Variants in OTOG observed in about 807,000 individuals in gnomAD.
The protein encoded by OTOG is otogelin.
OTOG carries 296 observed loss-of-function variants against 313.8 expected under a neutral mutation model. That is an observed-to-expected ratio of 0.94 (90% CI 0.86 to 1.04). The LOEUF (loss-of-function observed/expected upper bound fraction) is 1.04. Ranked by LOEUF, OTOG falls within the 50% of genes least tolerant of loss-of-function variation. The probability of loss-of-function intolerance (pLI) is 0.00; values close to 1 mark genes in which losing one functional copy is unlikely to be tolerated. For missense variants in OTOG, 3,948 were observed against 3,840.1 expected, an observed-to-expected ratio of 1.03 and a Z score of -0.74; for synonymous variants, 1,533 against 1,554.9, an observed-to-expected ratio of 0.99 and a Z score of 0.33.
rs764282987 is a variant in OTOG at position 17,610,821 on chromosome 11, C to A, written c.5521C>A (p.Pro1841Thr). Residue 1841 changes from proline to threonine, a missense_variant, in exon 36 of 56, where the codon CCT becomes ACT. By Grantham distance (38) the Pro-to-Thr change is conservative. Coordinates refer to ENST00000399397, the MANE Select transcript of OTOG (RefSeq NM_001292063.2). ...TPLQPQATTL[P>T]AQTLSPVLPF... The stretch of plus-strand genomic sequence containing the variant: ...ACTCCAGCCACAGGCCACGACTCTG[C>A]CTGCTCAGACACTTAGCCCAGTACT... The A allele has an allele frequency of 1.9e-6, 3 of 1,550,890 alleles. No homozygotes were observed. The South Asian group carries it at 3.6e-5, about 18-fold the overall frequency.
intron 3 of OTOG, among the ~76,000 whole-genome samples, chr11:17,550,753 C>T (rs1202376759): frequency 2.0e-5 from 3 of 152,148 alleles, no homozygotes; most frequent in Non-Finnish European, 4.4e-5. Context: ...GATTAGTACC[C>T]GGGTGGGAAA....
At chr11:17,547,788 G>A in intron 1 of OTOG, 139 bp from the exon 2 acceptor site, 1 of 433,290 alleles carries the variant, frequency 2.3e-6, no homozygotes, top group Non-Finnish European at 4.0e-6. Context: ...GGAGAGAAAG[G>A]ATTTGAGAAG....
chr11:17,607,216 C>T lies in OTOG; in HGVS notation c.4157-1080C>T, dbSNP rs1590038076. 3.3e-5 allele frequency among the ~76,000 whole-genome samples: 5 copies of T among 152,350 alleles called. No individual in the cohort carries two copies. In the South Asian group the frequency reaches 1.0e-3, roughly 32 times the overall value. ...AATGTAAGTTAGACTTTTGGAAAAGCAGGTTTCTTTACAGCTGGCAGCAGT... is the reference window on the plus strand; with the variant it reads ...AATGTAAGTTAGACTTTTGGAAAAGTAGGTTTCTTTACAGCTGGCAGCAGT... On this transcript the variant is annotated intron_variant, in intron 33 of 55. Coordinates refer to ENST00000399397, the MANE Select transcript of OTOG (RefSeq NM_001292063.2).
chr11:17,570,118 G>A, intron 16 of OTOG, 95 bp from the exon 17 acceptor site: 1 of 1,161,802 alleles, frequency 8.6e-7, no homozygotes, highest in Non-Finnish European at 1.2e-6. Flanking sequence ...GACTGGGCCG[G>A]GCGTGGGAGT....
intron 39 of OTOG, among the ~76,000 whole-genome samples, chr11:17,619,144 G>A (rs1459060033): frequency 6.6e-6 from 1 of 152,136 alleles, no homozygotes; most frequent in East Asian, 1.9e-4. Flanking sequence ...GGTGGCACAT[G>A]CCTGTAGTTC....
chr11:17,632,250 C>T (rs754064551), intron 42 of OTOG, 24 bp downstream of exon 42: 58 of 1,542,220 alleles, frequency 3.8e-5, no homozygotes, highest in Non-Finnish European at 4.7e-5. Flanking sequence ...GCAGGGGGAC[C>T]CTCCATTGTG....
intron 54 of OTOG, among the ~76,000 whole-genome samples, chr11:17,645,322 G>C (rs575328034): frequency 6.6e-6 from 1 of 152,180 alleles, no homozygotes. Context: ...CCTCAAGGGG[G>C]CCCTGCTGGC....
At chr11:17,637,676 A>T (rs1301316702) in intron 47 of OTOG, among the ~76,000 whole-genome samples, 2 of 152,210 alleles carry the variant, frequency 1.3e-5, no homozygotes, top group Non-Finnish European at 2.9e-5. Context: ...GGCCCAGATT[A>T]GGGTGATGAC....
chr11:17,634,641 T>A (rs79203983), intron 44 of OTOG, among the ~76,000 whole-genome samples: 1 of 152,206 alleles, frequency 6.6e-6, no homozygotes, highest in East Asian at 1.9e-4. Flanking sequence ...TGTCAATGGA[T>A]GTTAGCTCTT....
intron 24 of OTOG, among the ~76,000 whole-genome samples, chr11:17,587,473 T>G (rs1160994912): frequency 6.6e-6 from 1 of 152,178 alleles, no homozygotes; most frequent in Non-Finnish European, 1.5e-5. Context: ...CCCCTGGCAC[T>G]GGAACTTCAG....
chr11:17,631,843 C>T lies in OTOG; in HGVS notation c.6854C>T (p.Pro2285Leu). ...LTSVGQTRFRPDSCATTDCSP... is the reference protein window; with the variant it reads ...LTSVGQTRFRLDSCATTDCSP... The stretch of plus-strand genomic sequence containing the variant: ...TCAGTGGGCCAGACCCGCTTCCGCC[C>T]AGACAGCTGCGCCACAACTGACTGC... Residue 2285 changes from proline (P) to leucine (L), a missense_variant, in exon 41 of 56, where the codon CCA becomes CTA. By Grantham distance (98) the Pro-to-Leu change is moderately conservative. Transcript: ENST00000399397. 1 of 1,550,630 alleles carries T rather than the reference C, an allele frequency of 6.4e-7. No homozygotes were observed. The highest frequency in any genetic ancestry group is 8.7e-7 in the Non-Finnish European group (1 of 1,147,002).
At chr11:17,581,679 T>C (rs1230766070) in intron 23 of OTOG, among the ~76,000 whole-genome samples, 1 of 152,208 alleles carries the variant, frequency 6.6e-6, no homozygotes, top group Non-Finnish European at 1.5e-5. Context: ...GTGTTAGGCT[T>C]TGACAAATTG....
rs560333190 is a variant in OTOG, at chr11:17,640,830, G to A, written c.8011+10G>A. 26 of 1,550,280 alleles carry A rather than the reference G, an allele frequency of 1.7e-5. No individual in the cohort carries two copies. In the African/African-American group the frequency reaches 3.0e-4, roughly 18 times the overall value. ...GCCAAGTACGAGTGTGGTGAGTGGG[G>A]GAAGCCTCGGGGCAGAGCCATGCAG... On this transcript the variant is annotated intron_variant, in intron 50 of 55. Coordinates refer to ENST00000399397, the MANE Select transcript of OTOG (RefSeq NM_001292063.2).
chr11:17,596,559 G>C (rs964468135), intron 29 of OTOG, among the ~76,000 whole-genome samples: 1 of 152,348 alleles, frequency 6.6e-6, no homozygotes, highest in Non-Finnish European at 1.5e-5. Flanking sequence ...GGCCTTGGCT[G>C]TCTCTGGCCC....
chr11:17,608,218 TG>T (rs1853436172), intron 33 of OTOG, 77 bp from the exon 34 acceptor site: 6 of 967,250 alleles, frequency 6.2e-6, no homozygotes, highest in South Asian at 1.9e-5. Flanking sequence ...CTCCACAGGA[TG>T]GGGGGCAGGG....
intron 42 of OTOG, among the ~76,000 whole-genome samples, chr11:17,633,312 A>G (rs1294477294): frequency 6.6e-6 from 1 of 152,254 alleles, no homozygotes; most frequent in Non-Finnish European, 1.5e-5. Context: ...CCTTTTCGGT[A>G]AAGAGCCAGA....
At chr11:17,636,481 G>A (rs1590059151) in intron 47 of OTOG, among the ~76,000 whole-genome samples, 1 of 152,120 alleles carries the variant, frequency 6.6e-6, no homozygotes, top group Non-Finnish European at 1.5e-5. Flanking sequence ...TAGGAGAGGG[G>A]CTTCCACCAG....
chr11:17,568,069 G>A (rs952387631), intron 15 of OTOG, among the ~76,000 whole-genome samples: 1 of 151,490 alleles, frequency 6.6e-6, no homozygotes, highest in Non-Finnish European at 1.5e-5. Context: ...CACCATGCCT[G>A]GCTAATTTTT....
chr11:17,617,912 C>T (rs1853763501), intron 39 of OTOG, among the ~76,000 whole-genome samples: 1 of 149,496 alleles, frequency 6.7e-6, no homozygotes, highest in African/African-American at 2.5e-5. Context: ...CTTTCTTCTT[C>T]TTCTATTTTT....
Sources: allele counts gnomAD v4.1 joint callset (sites outside exome capture counted in the v4.1 genomes callset), GRCh38; gene constraint gnomAD v4.1.1; transcripts MANE v1.5; gene names NCBI Gene and HGNC (gene_info 2026-07-23, HGNC 2026-07-21).